The following FGD3 variants were observed in gnomAD, a reference collection of about 807,000 sequenced individuals.
The protein encoded by FGD3 is FYVE, RhoGEF and PH domain-containing protein 3.
A neutral mutation model predicts 71.8 loss-of-function variants in FGD3; 45 were observed. That is an observed-to-expected ratio of 0.63 (90% confidence interval 0.49 to 0.80). FGD3 has a LOEUF of 0.80. Ranked by LOEUF, FGD3 falls within the 30% of genes least tolerant of loss-of-function variation. The pLI, the probability that FGD3 is intolerant of heterozygous loss-of-function variation, is 0.00. For synonymous variants in FGD3, 378 were observed against 392.8 expected (o/e 0.96, Z 0.44); for missense variants, 844 against 951.5 (o/e 0.89, Z 1.49).
At chr9:93,018,941 G>T (rs1365688989) in intron 11 of FGD3, among the ~76,000 whole-genome samples, 1 of 152,046 alleles carries the variant, frequency 6.6e-6, no homozygotes, top group Non-Finnish European at 1.5e-5. Flanking sequence ...CACCTCCCAG[G>T]TTCAAGTGAT....
chr9:92,961,519 A>G (rs1331952897), intron 1 of FGD3, among the ~76,000 whole-genome samples: 1 of 152,198 alleles, frequency 6.6e-6, no homozygotes, highest in African/African-American at 2.4e-5. Flanking sequence ...TTGCTTCTCC[A>G]CTGTGGGCTG....
At chr9:92,978,427 C>T (rs1445124523) in intron 3 of FGD3, among the ~76,000 whole-genome samples, 2 of 144,134 alleles carry the variant, frequency 1.4e-5, no homozygotes, top group African/African-American at 5.1e-5. Flanking sequence ...CCCCACCCCA[C>T]CCCCATTCCA....
intron 3 of FGD3, among the ~76,000 whole-genome samples, chr9:92,977,399 G>A (rs1261996147): frequency 2.0e-5 from 3 of 152,140 alleles, no homozygotes; most frequent in Non-Finnish European, 4.4e-5. Flanking sequence ...GGTATGGGGG[G>A]CACAGCTTGG....
chr9:93,018,075 T>A lies in FGD3; in HGVS notation c.1276-61T>A, dbSNP rs541486207. 14 of 1,491,602 alleles carry A rather than the reference T, an allele frequency of 9.4e-6. No individual in the cohort carries two copies. In the South Asian group the frequency reaches 1.5e-4, roughly 16 times the overall value. 92.4% of individuals were successfully genotyped at this position (1,491,602 alleles called of 1,614,324 possible). On this transcript the variant is annotated intron_variant, in intron 10 of 17. Transcript: ENST00000375482. ...GGAAACACTTCTAAGTCAGAAAACATGAGGCTGGAGCTAAAATGACCAGCT... is the reference window on the plus strand; with the variant it reads ...GGAAACACTTCTAAGTCAGAAAACAAGAGGCTGGAGCTAAAATGACCAGCT...
chr9:93,002,815 TC>T, intron 3 of FGD3, 109 bp from the exon 4 acceptor site: 1 of 1,051,544 alleles, frequency 9.5e-7, no homozygotes, highest in East Asian at 2.4e-5. Context: ...CCCAGTGGCC[TC>T]CTGCCACCCC....
chr9:92,990,959 G>A (rs139849129), intron 3 of FGD3, among the ~76,000 whole-genome samples: 4 of 152,106 alleles, frequency 2.6e-5, no homozygotes, highest in African/African-American at 9.7e-5. Flanking sequence ...AATTTCCTCC[G>A]ATTCAATTTT....
At chr9:92,986,618 G>A (rs372685049) in intron 3 of FGD3, among the ~76,000 whole-genome samples, 2 of 152,390 alleles carry the variant, frequency 1.3e-5, no homozygotes, top group African/African-American at 4.8e-5. Flanking sequence ...GGCAAAGGAA[G>A]AATGTTCCCT....
chr9:92,987,254 A>G (rs1460004716), intron 3 of FGD3, among the ~76,000 whole-genome samples: 1 of 151,928 alleles, frequency 6.6e-6, no homozygotes, highest in East Asian at 1.9e-4. Flanking sequence ...AACACGGTAA[A>G]ACCCCATCTC....
At chr9:92,994,811 C>G (rs1341414156) in intron 3 of FGD3, among the ~76,000 whole-genome samples, 1 of 152,078 alleles carries the variant, frequency 6.6e-6, no homozygotes, top group South Asian at 2.1e-4. Flanking sequence ...TCCGGGGGCT[C>G]TATTCTGTTC....
chr9:93,027,480 C>T (rs1332983106), intron 14 of FGD3, among the ~76,000 whole-genome samples: 2 of 152,076 alleles, frequency 1.3e-5, no homozygotes, highest in East Asian at 1.9e-4. Flanking sequence ...TATAAAGACA[C>T]CAGTAAGATT....
intron 9 of FGD3, 47 bp from the exon 10 acceptor site, chr9:93,015,690 G>A (rs1465084976): frequency 3.9e-6 from 6 of 1,521,874 alleles, no homozygotes; most frequent in African/African-American, 1.4e-5. Context: ...CCCCTGGGGG[G>A]ACCTGCGGGC....
At chr9:93,013,209 CG>C (rs1564163393) in intron 8 of FGD3, among the ~76,000 whole-genome samples, 3 of 152,234 alleles carry the variant, frequency 2.0e-5, no homozygotes, top group Non-Finnish European at 4.4e-5. Context: ...GTGCCAGAGA[CG>C]GAAGGGTCAG....
Position 93,035,308 on chromosome 9 carries a change from C to A in FGD3, c.1927-30C>A, listed in dbSNP as rs1377237572. On this transcript the variant is annotated intron_variant, in intron 17 of 17. Transcript: ENST00000375482. ...TGAGCCCGAGGCCGGGAAGCTGTGG[C>A]CCCGCTGACCATCTGCTCCTCTGCT... 4 of 1,595,166 alleles carry A rather than the reference C, an allele frequency of 2.5e-6. No homozygotes were observed. The East Asian group carries it at 6.7e-5, about 27-fold the overall frequency.
At chr9:92,985,290 A>G (rs749904028) in intron 3 of FGD3, among the ~76,000 whole-genome samples, 2 of 152,164 alleles carry the variant, frequency 1.3e-5, no homozygotes, top group African/African-American at 4.8e-5. Context: ...TGGTCCCTGC[A>G]CTTCTCTTTT....
intron 1 of FGD3, among the ~76,000 whole-genome samples, chr9:92,968,875 C>G (rs1040937551): frequency 2.0e-5 from 3 of 152,156 alleles, no homozygotes; most frequent in Non-Finnish European, 4.4e-5. Context: ...TCCCAAAGTG[C>G]TGGGATTGCA....
intron 10 of FGD3, 41 bp from the exon 11 acceptor site, chr9:93,018,095 C>T: frequency 1.3e-6 from 2 of 1,588,450 alleles, no homozygotes; most frequent in Non-Finnish European, 1.7e-6. Flanking sequence ...GCTAAAATGA[C>T]CAGCTTGGGT....
chr9:93,010,620 G>GGA (rs149814911), intron 7 of FGD3, among the ~76,000 whole-genome samples: 1 of 142,548 alleles, frequency 7.0e-6, no homozygotes, highest in African/African-American at 2.7e-5. Flanking sequence ...ACAGAGGGGA[G>GGA]GAGAGAGAGA....
intron 14 of FGD3, among the ~76,000 whole-genome samples, chr9:93,028,995 G>GTTTTTTTTTTTTT (rs869235976): frequency 5.8e-5 from 3 of 51,752 alleles, no homozygotes; most frequent in Non-Finnish European, 1.1e-4. Flanking sequence ...TGTCCTCACA[G>GTTTTTTTTTTTTT]TTTTTTTTTT....
chr9:93,032,570 G>C, intron 15 of FGD3, 199 bp from the exon 16 acceptor site: 2 of 589,416 alleles, frequency 3.4e-6, no homozygotes, highest in Non-Finnish European at 6.1e-6. Flanking sequence ...GGTACCAGAC[G>C]CCCAGCAGGG....
Sources: gnomAD v4.1 joint callset for allele counts (sites outside exome capture counted in the v4.1 genomes callset) on GRCh38, gnomAD v4.1.1 for gene constraint, MANE v1.5 for transcripts, NCBI Gene and HGNC (gene_info 2026-07-23, HGNC 2026-07-21) for gene names.